Variants in PDE7B observed in about 807,000 individuals in gnomAD.
PDE7B encodes the protein 3',5'-cyclic-AMP phosphodiesterase 7B.
In PDE7B, 29 loss-of-function variants were observed where a neutral mutation model predicts 56.2. The ratio of observed to expected loss-of-function variants is 0.52; its 90% CI spans 0.38 to 0.70. PDE7B has a LOEUF of 0.70. Ranked by LOEUF, PDE7B falls within the 30% of genes least tolerant of loss-of-function variation. PDE7B has a pLI of 0.00. For synonymous variants in PDE7B, 197 were observed against 196.9 expected (o/e 1.00, Z 0.00); for missense variants, 490 against 565.0 (o/e 0.87, Z 1.35).
At chr6:136,191,441 C>A (rs1335614687) in intron 12 of PDE7B, among the ~76,000 whole-genome samples, 173 bp from the exon 13 acceptor site, 1 of 152,152 alleles carries the variant, frequency 6.6e-6, no homozygotes, top group African/African-American at 2.4e-5. Context: ...CCGAGGCGGG[C>A]GGATCACTTG....
At chr6:135,892,887 C>T (rs1389445156) in intron 1 of PDE7B, among the ~76,000 whole-genome samples, 1 of 152,128 alleles carries the variant, frequency 6.6e-6, no homozygotes, top group Non-Finnish European at 1.5e-5. Flanking sequence ...GAGACATATG[C>T]TTTGTTTCCA....
chr6:135,873,682 A>T (rs1001366582), intron 1 of PDE7B, among the ~76,000 whole-genome samples: 1 of 152,196 alleles, frequency 6.6e-6, no homozygotes, highest in Non-Finnish European at 1.5e-5. Flanking sequence ...ATAGGCAAAT[A>T]AGAAAATGTA....
At chr6:136,036,267 T>C (rs745740026) in intron 2 of PDE7B, among the ~76,000 whole-genome samples, 11 of 152,220 alleles carry the variant, frequency 7.2e-5, no homozygotes, top group African/African-American at 1.2e-4. Flanking sequence ...AGGGCACATC[T>C]TTCTAATCAA....
At chr6:135,905,379 T>A (rs939303937) in intron 1 of PDE7B, among the ~76,000 whole-genome samples, 4 of 148,800 alleles carry the variant, frequency 2.7e-5, no homozygotes, top group Non-Finnish European at 4.5e-5. Flanking sequence ...TGTGTGTGTG[T>A]GAATACATTT....
chr6:136,010,975 C>T (rs1027598284), intron 2 of PDE7B, among the ~76,000 whole-genome samples: 10 of 152,166 alleles, frequency 6.6e-5, no homozygotes, highest in African/African-American at 2.4e-4. Flanking sequence ...TGGGAAATTA[C>T]ATGCTCTCTA....
intron 2 of PDE7B, among the ~76,000 whole-genome samples, chr6:136,057,739 TCA>T (rs913482823): frequency 6.6e-6 from 1 of 152,152 alleles, no homozygotes; most frequent in African/African-American, 2.4e-5. Flanking sequence ...TGATATCTGC[TCA>T]CAGTTTTTTG....
intron 3 of PDE7B, among the ~76,000 whole-genome samples, chr6:136,116,446 GT>G: frequency 6.6e-6 from 1 of 152,346 alleles, no homozygotes; most frequent in Non-Finnish European, 1.5e-5. Flanking sequence ...AGGAGACACA[GT>G]TTCAATGAAT....
intron 9 of PDE7B, among the ~76,000 whole-genome samples, chr6:136,175,767 C>A (rs939110178): frequency 6.6e-6 from 1 of 152,024 alleles, no homozygotes; most frequent in African/African-American, 2.4e-5. Flanking sequence ...AACTTTGATA[C>A]TCTGTTTTCT....
At chr6:136,012,548 A>G (rs1408028264) in intron 2 of PDE7B, 3 of 152,184 alleles carry the variant, frequency 2.0e-5, no homozygotes, top group Non-Finnish European at 2.9e-5. Flanking sequence ...TGTCTTTTCT[A>G]TTTCCCTGTG....
chr6:136,137,534 CCAGTTAGTCA>C (rs1004339337), intron 3 of PDE7B, among the ~76,000 whole-genome samples: 1 of 152,048 alleles, frequency 6.6e-6, no homozygotes, highest in African/African-American at 2.4e-5. Context: ...TACTTCTGCA[CCAGTTAGTCA>C]CTACTCGACT....
chr6:136,082,443 T>C (rs1769344054), intron 2 of PDE7B, among the ~76,000 whole-genome samples: 1 of 152,106 alleles, frequency 6.6e-6, no homozygotes, highest in Non-Finnish European at 1.5e-5. Context: ...GATCACCTAA[T>C]CATCTGGAGA....
rs1775246275 is a variant in PDE7B at position 135,865,746 on chromosome 6, AGCAGTTATCAGTGG to A, written c.21+13728_21+13741del. Among the ~76,000 whole-genome samples the A allele has an allele frequency of 3.9e-5, 6 of 152,202 alleles. No homozygotes were observed. The South Asian group carries it at 1.2e-3, about 32-fold the overall frequency. On this transcript the variant is annotated intron_variant, in intron 1 of 12. Transcript: ENST00000308191. ...TCTAGATAGGATCTACATTTGCTTC[AGCAGTTATCAGTGG>A]TAATAACAATCTTGTCTTAATCTGA...
At position 136,138,228 on chromosome 6, in the gene PDE7B, AAATACATATC is replaced by A. The variant is rs555334759; in HGVS notation, c.167-9115_167-9106del. ...GCTAATCATTTACGTTTCTACCCAG[AAATACATATC>A]AATACATTATCAAAGTAAATATGGT... On this transcript the variant is annotated intron_variant, in intron 3 of 12. Coordinates refer to ENST00000308191, the MANE Select transcript of PDE7B (RefSeq NM_018945.4). Among the ~76,000 whole-genome samples, 319 of 152,280 alleles carry A rather than the reference AAATACATATC, an allele frequency of 2.1e-3. 1 individual carries two copies. The highest frequency in any genetic ancestry group is 7.5e-3 in the African/African-American group (312 of 41,570).
chr6:135,997,413 CAAAAAAAAAAAAAAAAAAAAA>C (rs59388049), intron 2 of PDE7B, among the ~76,000 whole-genome samples: 218 of 10,708 alleles, frequency 0.02, 2 homozygotes, highest in African/African-American at 0.041. Context: ...GACCCTGTCT[CAAAAAAAAAAAAAAAAAAAAA>C]AAAAAAAAAA....
chr6:136,043,017 T>C (rs2128210127), intron 2 of PDE7B, among the ~76,000 whole-genome samples: 1 of 152,350 alleles, frequency 6.6e-6, no homozygotes, highest in South Asian at 2.1e-4. Context: ...TCAAAAACAC[T>C]TGTAAAAATT....
chr6:136,056,493 C>A (rs999889091), intron 2 of PDE7B, among the ~76,000 whole-genome samples: 13 of 135,050 alleles, frequency 9.6e-5, no homozygotes, highest in Non-Finnish European at 2.0e-4. Flanking sequence ...CAATTCTGAG[C>A]TCCTTTGCAG....
intron 1 of PDE7B, among the ~76,000 whole-genome samples, chr6:135,943,097 A>G (rs1451089935): frequency 6.6e-6 from 1 of 152,232 alleles, no homozygotes; most frequent in African/African-American, 2.4e-5. Context: ...TTCATTTTCA[A>G]TCCTAAAAAC....
At chr6:136,061,478 G>A (rs1488220980) in intron 2 of PDE7B, among the ~76,000 whole-genome samples, 1 of 152,138 alleles carries the variant, frequency 6.6e-6, no homozygotes, top group Non-Finnish European at 1.5e-5. Flanking sequence ...GGAATTCTTG[G>A]GCAATTAACT....
At chr6:135,881,373 T>C (rs1168239896) in intron 1 of PDE7B, among the ~76,000 whole-genome samples, 2 of 147,488 alleles carry the variant, frequency 1.4e-5, no homozygotes, top group Non-Finnish European at 3.0e-5. Context: ...CTGGGTGTGG[T>C]GGTGCATGCC....
Sources: gnomAD v4.1 joint callset for allele counts (sites outside exome capture counted in the v4.1 genomes callset) on GRCh38, gnomAD v4.1.1 for gene constraint, MANE v1.5 for transcripts, NCBI Gene and HGNC (gene_info 2026-07-23, HGNC 2026-07-21) for gene names.